ADORA2B: variants seen among roughly 807,000 people sequenced by gnomAD.
ADORA2B encodes the protein adenosine receptor A2b.
Under a neutral mutation model 20.8 loss-of-function variants are expected in ADORA2B, and 18 were observed. The observed-to-expected ratio is 0.87, with a 90% confidence interval of 0.60 to 1.29. The LOEUF is 1.29. Ranked by LOEUF, ADORA2B falls within the 50% of genes most tolerant of loss-of-function variation. The pLI, the probability that ADORA2B is intolerant of heterozygous loss-of-function variation, is 0.00. For synonymous variants in ADORA2B, 179 were observed against 178.3 expected, an observed-to-expected ratio of 1.00 and a Z score of -0.03; for missense variants, 441 against 422.7, an observed-to-expected ratio of 1.04 and a Z score of -0.38.
intron 1 of ADORA2B, chr17:15,974,464 G>T: frequency 1.9e-6 from 1 of 514,142 alleles, no homozygotes; most frequent in Non-Finnish European, 3.4e-6. Flanking sequence ...GAAAGGAGTT[G>T]CTAAGTCAAG....
the ADORA2B span, among the ~76,000 whole-genome samples, chr17:15,875,832 C>T: frequency 2.3e-4 from 35 of 152,336 alleles, no homozygotes; most frequent in Middle Eastern, 0.01. Flanking sequence ...CCACCCGCCT[C>T]GGCCTCCCAA....
the ADORA2B span, among the ~76,000 whole-genome samples, chr17:15,931,899 T>G: frequency 6.6e-6 from 1 of 151,620 alleles, no homozygotes; most frequent in African/African-American, 2.4e-5. Flanking sequence ...GCCCTACTAA[T>G]TTTTGTATTT....
the ADORA2B span, among the ~76,000 whole-genome samples, chr17:15,904,419 A>G: frequency 7.6e-6 from 1 of 131,742 alleles, no homozygotes; most frequent in African/African-American, 3.0e-5. Context: ...TTTGAGACGG[A>G]GTCTCTCCCT....
the ADORA2B span, among the ~76,000 whole-genome samples, chr17:15,904,249 GT>G: frequency 6.6e-6 from 1 of 152,094 alleles, no homozygotes; most frequent in African/African-American, 2.4e-5. Flanking sequence ...CAAAGTGTGG[GT>G]ATTACAGGCA....
intron 1 of ADORA2B, among the ~76,000 whole-genome samples, chr17:15,951,185 T>C (rs1969897052): frequency 6.6e-6 from 1 of 152,108 alleles, no homozygotes; most frequent in African/African-American, 2.4e-5. Flanking sequence ...CCCCCACAAG[T>C]TCTAATGATC....
the ADORA2B span, among the ~76,000 whole-genome samples, chr17:15,902,317 T>C: frequency 6.6e-6 from 1 of 152,108 alleles, no homozygotes; most frequent in Non-Finnish European, 1.5e-5. Context: ...GTTCAAGCGA[T>C]TCTCCTGCCT....
intron 1 of ADORA2B, among the ~76,000 whole-genome samples, chr17:15,965,621 G>A (rs555008462): frequency 6.6e-6 from 1 of 152,386 alleles, no homozygotes; most frequent in East Asian, 1.9e-4. Flanking sequence ...CTAGGCAAAG[G>A]AGGTGGAATA....
At chr17:15,905,088 T>C in the ADORA2B span, among the ~76,000 whole-genome samples, 1 of 152,222 alleles carries the variant, frequency 6.6e-6, no homozygotes, top group Non-Finnish European at 1.5e-5. Flanking sequence ...GAATTTTGAT[T>C]AGGATTGCAT....
At chr17:15,969,296 A>C (rs1458042815) in intron 1 of ADORA2B, among the ~76,000 whole-genome samples, 1 of 151,914 alleles carries the variant, frequency 6.6e-6, no homozygotes, top group African/African-American at 2.4e-5. Context: ...TAAAAATACA[A>C]AAAAAGAAAT....
the ADORA2B span, among the ~76,000 whole-genome samples, chr17:15,862,211 C>CTTT: frequency 6.0e-4 from 58 of 96,246 alleles, no homozygotes; most frequent in Middle Eastern, 6.3e-3. Context: ...CTTTTCTTTT[C>CTTT]TTTTTTTTTT....
chr17:15,895,928 C>G, the ADORA2B span, among the ~76,000 whole-genome samples: 1 of 152,180 alleles, frequency 6.6e-6, no homozygotes, highest in East Asian at 1.9e-4. Flanking sequence ...AACCAAGGCT[C>G]ACAACATGCT....
At chr17:15,859,795 AAAAG>A in the ADORA2B span, among the ~76,000 whole-genome samples, 153 of 152,338 alleles carry the variant, frequency 1.0e-3, 1 homozygote, top group African/African-American at 3.5e-3. Flanking sequence ...CTAAAAAAGA[AAAAG>A]AAATATCATC....
the ADORA2B span, among the ~76,000 whole-genome samples, chr17:15,907,999 G>A: frequency 6.6e-6 from 1 of 152,228 alleles, no homozygotes; most frequent in South Asian, 2.1e-4. Flanking sequence ...CATGCACTGT[G>A]CTGGGAGCCT....
At chr17:15,952,883 A>T (rs1264771968) in intron 1 of ADORA2B, among the ~76,000 whole-genome samples, 2 of 152,228 alleles carry the variant, frequency 1.3e-5, no homozygotes, top group Non-Finnish European at 2.9e-5. Context: ...TATTAACTCG[A>T]TAGGCTCTTG....
the ADORA2B span, among the ~76,000 whole-genome samples, chr17:15,871,531 C>T: frequency 6.6e-6 from 1 of 152,182 alleles, no homozygotes; most frequent in African/African-American, 2.4e-5. Flanking sequence ...AGGGTTCACA[C>T]CATTCCCAGA....
intron 1 of ADORA2B, among the ~76,000 whole-genome samples, chr17:15,948,246 A>G (rs1001187964): frequency 2.0e-5 from 3 of 152,164 alleles, no homozygotes. Context: ...GTGACAGATG[A>G]CAGTGTAGAA....
At chr17:15,911,876 C>T in the ADORA2B span, among the ~76,000 whole-genome samples, 1 of 152,062 alleles carries the variant, frequency 6.6e-6, no homozygotes, top group Admixed American at 6.6e-5. Context: ...TCAGCCTGGG[C>T]AACATGGCAA....
At chr17:15,873,192 C>G in the ADORA2B span, among the ~76,000 whole-genome samples, 31 of 152,130 alleles carry the variant, frequency 2.0e-4, no homozygotes, top group African/African-American at 2.9e-4. Context: ...TCTGTTTATG[C>G]GATGTCACAT....
At chr17:15,870,534 G>C in the ADORA2B span, among the ~76,000 whole-genome samples, 1 of 151,390 alleles carries the variant, frequency 6.6e-6, no homozygotes, top group African/African-American at 2.4e-5. Context: ...GATAGCTTGA[G>C]CCCAGGAGGC....
Sources: allele counts gnomAD v4.1 joint callset (sites outside exome capture counted in the v4.1 genomes callset), GRCh38; gene constraint gnomAD v4.1.1; transcripts MANE v1.5; gene names NCBI Gene and HGNC (gene_info 2026-07-23, HGNC 2026-07-21).